The following CCDC102B variants were observed in gnomAD, a reference collection of about 807,000 sequenced individuals.
CCDC102B encodes coiled-coil domain containing 102B.
CCDC102B carries 75 observed loss-of-function variants against 57.4 expected under a neutral mutation model. That is an observed-to-expected ratio of 1.31 (90% CI 1.08 to 1.58). The LOEUF is 1.58. Ranked by LOEUF, CCDC102B falls within the 40% of genes most tolerant of loss-of-function variation. CCDC102B has a pLI of 0.00. For missense variants in CCDC102B, 636 were observed against 582.6 expected (o/e 1.09, Z -0.94); for synonymous variants, 206 against 201.9 (o/e 1.02, Z -0.17).
At chr18:68,854,194 G>A (rs1428393768) in intron 4 of CCDC102B, among the ~76,000 whole-genome samples, 4 of 151,506 alleles carry the variant, frequency 2.6e-5, no homozygotes, top group African/African-American at 9.7e-5. Flanking sequence ...TCCGTCTCCC[G>A]GGTTCAAGTG....
intron 7 of CCDC102B, among the ~76,000 whole-genome samples, chr18:69,026,400 G>T (rs1243971990): frequency 1.3e-5 from 2 of 151,042 alleles, no homozygotes; most frequent in East Asian, 3.9e-4. Flanking sequence ...CCTGGAAGTG[G>T]AGGTTGCGGT....
At chr18:68,877,412 C>T (rs997373237) in intron 5 of CCDC102B, among the ~76,000 whole-genome samples, 2 of 152,220 alleles carry the variant, frequency 1.3e-5, no homozygotes, top group African/African-American at 2.4e-5. Flanking sequence ...TGCCATCCAG[C>T]TCTTATCTTC....
At chr18:68,730,009 A>G (rs896309980) in intron 2 of CCDC102B, among the ~76,000 whole-genome samples, 1 of 152,206 alleles carries the variant, frequency 6.6e-6, no homozygotes, top group Non-Finnish European at 1.5e-5. Flanking sequence ...ATTAAAATGT[A>G]ATAAATTCAA....
At chr18:68,795,549 G>A (rs866812160), upstream of CCDC102B, among the ~76,000 whole-genome samples, 5 of 152,018 alleles carry the variant, frequency 3.3e-5, no homozygotes, top group East Asian at 1.9e-4. Context: ...CCTAATTTTG[G>A]TGATGGTTGG....
intron 2 of CCDC102B, among the ~76,000 whole-genome samples, chr18:68,768,105 A>G (rs961621704): frequency 6.6e-6 from 1 of 152,232 alleles, no homozygotes; most frequent in Non-Finnish European, 1.5e-5. Context: ...GAATAGCATT[A>G]CAAATCCATT....
chr18:68,840,075 A>G (rs188317865), intron 3 of CCDC102B, among the ~76,000 whole-genome samples: 1 of 152,310 alleles, frequency 6.6e-6, no homozygotes, highest in Admixed American at 6.5e-5. Flanking sequence ...GAAATGTTCA[A>G]TATGGATTTT....
chr18:69,043,275 C>T (rs1466674702), intron 7 of CCDC102B, among the ~76,000 whole-genome samples: 2 of 152,096 alleles, frequency 1.3e-5, no homozygotes, highest in Non-Finnish European at 2.9e-5. Flanking sequence ...ATGGAACGTA[C>T]AATTGGGTTT....
Position 68,902,934 on chromosome 18 carries a change from C to T in CCDC102B, c.1263+5506C>T, listed in dbSNP as rs189173299. On this transcript the variant is annotated intron_variant, in intron 6 of 7. Transcript: ENST00000360242. ...TTTGTTAATTCATATATCCCCACAACCCGGCACATTTTTCTCATACTAGGT... is the reference window on the plus strand; with the variant it reads ...TTTGTTAATTCATATATCCCCACAATCCGGCACATTTTTCTCATACTAGGT... 2.5e-3 allele frequency among the ~76,000 whole-genome samples: 380 copies of T among 152,178 alleles called. 3 individuals are homozygous for T. The highest frequency in any genetic ancestry group is 8.8e-3 in the African/African-American group (364 of 41,536).
intron 6 of CCDC102B, among the ~76,000 whole-genome samples, chr18:68,941,082 TATTTA>T (rs796371179): frequency 3.4e-5 from 5 of 148,266 alleles, no homozygotes; most frequent in Non-Finnish European, 4.5e-5. Context: ...ATTTGCTATT[TATTTA>T]TTTTTTTTGC....
At chr18:68,865,201 G>A (rs1482751114) in intron 4 of CCDC102B, among the ~76,000 whole-genome samples, 3 of 152,032 alleles carry the variant, frequency 2.0e-5, no homozygotes, top group Non-Finnish European at 1.5e-5. Context: ...TGACACATTT[G>A]TCAAGGCATG....
Position 68,972,712 on chromosome 18 carries a change from G to A in CCDC102B, c.1264-38222G>A, listed in dbSNP as rs533883719. Among the ~76,000 whole-genome samples the A allele has an allele frequency of 2.0e-5, 3 of 152,216 alleles. No homozygotes were observed. The South Asian group carries it at 6.2e-4, about 32-fold the overall frequency. On this transcript the variant is annotated intron_variant, in intron 6 of 7. Coordinates refer to ENST00000360242, the MANE Select transcript of CCDC102B (RefSeq NM_024781.3). ...AATATGTATTACTATAAATTTAACT[G>A]AACTGGATTAAAATTTTAGGGATTC...
chr18:68,952,459 G>A (rs149896940), intron 6 of CCDC102B, among the ~76,000 whole-genome samples: 3 of 152,016 alleles, frequency 2.0e-5, no homozygotes, highest in East Asian at 3.9e-4. Flanking sequence ...AGAAGAAATA[G>A]GTTATAGAGT....
At chr18:68,789,552 C>T (rs1209126779) in intron 2 of CCDC102B, among the ~76,000 whole-genome samples, 20 of 149,408 alleles carry the variant, frequency 1.3e-4, no homozygotes, top group African/African-American at 3.7e-4. Context: ...TTTCTCTAAA[C>T]TTCCCTTCTC....
At chr18:68,794,924 G>C (rs1414177183), upstream of CCDC102B, among the ~76,000 whole-genome samples, 2 of 151,640 alleles carry the variant, frequency 1.3e-5, no homozygotes, top group African/African-American at 4.8e-5. Context: ...GTTGTGGCCT[G>C]TGTGGGGCAA....
chr18:68,721,567 G>A (rs1052795668), intron 2 of CCDC102B: 10 of 151,992 alleles, frequency 6.6e-5, no homozygotes, highest in African/African-American at 2.4e-4. Context: ...CTCATTTTTT[G>A]CTAAAAATAT....
intron 6 of CCDC102B, among the ~76,000 whole-genome samples, chr18:68,950,103 C>T (rs2049653127): frequency 6.6e-6 from 1 of 152,206 alleles, no homozygotes; most frequent in South Asian, 2.1e-4. Flanking sequence ...GAGATGAAGT[C>T]TTACAATCCT....
intron 1 of CCDC102B, among the ~76,000 whole-genome samples, chr18:68,809,247 T>A (rs1486956069): frequency 1.3e-5 from 2 of 152,208 alleles, no homozygotes; most frequent in South Asian, 2.1e-4. Context: ...GTCTCAAATA[T>A]TTTGAGAAAT....
chr18:69,022,191 GC>G (rs2051852970), intron 7 of CCDC102B, among the ~76,000 whole-genome samples: 1 of 15,610 alleles, frequency 6.4e-5, no homozygotes, highest in Admixed American at 1.1e-3. Context: ...TTATCCTTTA[GC>G]CTATATATAT....
At chr18:68,843,096 G>T (rs1776832704) in intron 3 of CCDC102B, among the ~76,000 whole-genome samples, 1 of 152,106 alleles carries the variant, frequency 6.6e-6, no homozygotes, top group African/African-American at 2.4e-5. Flanking sequence ...ATATGGCTTG[G>T]CTGTTTGCAA....
Sources: allele counts gnomAD v4.1 joint callset (sites outside exome capture counted in the v4.1 genomes callset), GRCh38; gene constraint gnomAD v4.1.1; transcripts MANE v1.5; gene names NCBI Gene and HGNC (gene_info 2026-07-23, HGNC 2026-07-21).